The following KIAA1217 variants were observed in gnomAD, a reference collection of about 807,000 sequenced individuals.
The protein encoded by KIAA1217 is sickle tail protein homolog.
In KIAA1217, 88 loss-of-function variants were observed where a neutral mutation model predicts 163.9. The observed-to-expected ratio is 0.54, with a 90% CI of 0.45 to 0.64. The LOEUF is 0.64. Ranked by LOEUF, KIAA1217 falls within the 30% of genes least tolerant of loss-of-function variation. KIAA1217 has a pLI of 0.00. For synonymous variants in KIAA1217, 903 were observed against 923.1 expected, an observed-to-expected ratio of 0.98 and a Z score of 0.39; for missense variants, 2,372 against 2,475.0, an observed-to-expected ratio of 0.96 and a Z score of 0.88.
At chr10:23,817,314 A>G (rs949135482) in intron 1 of KIAA1217, among the ~76,000 whole-genome samples, 1 of 152,200 alleles carries the variant, frequency 6.6e-6, no homozygotes, top group East Asian at 1.9e-4. Flanking sequence ...TCCATCCAGA[A>G]GAATTGTCAA....
At chr10:24,002,567 C>G (rs1846794233) in intron 1 of KIAA1217, among the ~76,000 whole-genome samples, 1 of 152,188 alleles carries the variant, frequency 6.6e-6, no homozygotes, top group Non-Finnish European at 1.5e-5. Flanking sequence ...CACATTAAAC[C>G]AGCAATCACT....
chr10:23,706,699 T>A (rs1564353945), intron 1 of KIAA1217, among the ~76,000 whole-genome samples: 1 of 152,312 alleles, frequency 6.6e-6, no homozygotes, highest in Admixed American at 6.5e-5. Flanking sequence ...ATAAGAGATA[T>A]TGGTCTGTAA....
intron 2 of KIAA1217, among the ~76,000 whole-genome samples, chr10:24,191,333 A>T (rs2066709072): frequency 6.6e-6 from 1 of 152,230 alleles, no homozygotes; most frequent in Non-Finnish European, 1.5e-5. Flanking sequence ...ACAATAGGAA[A>T]GTTCTCCATT....
intron 2 of KIAA1217, among the ~76,000 whole-genome samples, chr10:24,087,910 GT>G (rs2061759931): frequency 2.7e-5 from 2 of 73,730 alleles, no homozygotes. Flanking sequence ...GATCAGAGCT[GT>G]GGTGGCCTCC....
chr10:24,431,708 C>T (rs2059618541), intron 3 of KIAA1217, among the ~76,000 whole-genome samples: 2 of 152,136 alleles, frequency 1.3e-5, no homozygotes, highest in East Asian at 1.9e-4. Flanking sequence ...TTTCCTTTTG[C>T]ATCACACTTG....
At chr10:23,984,801 A>G (rs1049483147) in intron 1 of KIAA1217, among the ~76,000 whole-genome samples, 3 of 151,958 alleles carry the variant, frequency 2.0e-5, no homozygotes, top group Non-Finnish European at 4.4e-5. Flanking sequence ...TAGGACAAGT[A>G]CCTAATGCAT....
At chr10:23,809,505 GA>G (rs1010823938) in intron 1 of KIAA1217, among the ~76,000 whole-genome samples, 1 of 151,202 alleles carries the variant, frequency 6.6e-6, no homozygotes, top group African/African-American at 2.4e-5. Context: ...GAGGTAAGAA[GA>G]AAAAAAGGAA....
intron 1 of KIAA1217, among the ~76,000 whole-genome samples, chr10:23,879,888 T>A (rs1840875947): frequency 6.6e-6 from 1 of 151,866 alleles, no homozygotes; most frequent in Admixed American, 6.6e-5. Flanking sequence ...AAGAAAGGGA[T>A]GTGTATGCAG....
intron 2 of KIAA1217, among the ~76,000 whole-genome samples, chr10:24,356,690 C>T (rs974441729): frequency 6.6e-6 from 1 of 152,214 alleles, no homozygotes; most frequent in Non-Finnish European, 1.5e-5. Flanking sequence ...GGGCCCCCTC[C>T]TCTGTCACTC....
intron 2 of KIAA1217, among the ~76,000 whole-genome samples, chr10:24,249,653 G>A (rs2074251705): frequency 6.6e-6 from 1 of 152,064 alleles, no homozygotes. Context: ...TTAAATCACT[G>A]CAAGTAAGCC....
At chr10:24,241,641 C>A (rs1442217853) in intron 2 of KIAA1217, among the ~76,000 whole-genome samples, 2 of 152,152 alleles carry the variant, frequency 1.3e-5, no homozygotes, top group African/African-American at 4.8e-5. Context: ...AATATACTGT[C>A]CTTTATTCCT....
Position 24,235,921 on chromosome 10 carries a change from T to C in KIAA1217, c.354+16012T>C, listed in dbSNP as rs76144858. 2.7e-3 allele frequency among the ~76,000 whole-genome samples: 411 copies of C among 152,314 alleles called. 5 individuals carry two copies. The East Asian group carries it at 0.052, about 19-fold the overall frequency. On this transcript the variant is annotated intron_variant, in intron 2 of 20. Transcript: ENST00000376454. ...CTCTTAGTATCCCAATTATGAGCAA[T>C]TTTATTAAACTAGGAGTATCAGTGC...
At chr10:24,140,104 A>G (rs1589644987) in intron 2 of KIAA1217, among the ~76,000 whole-genome samples, 1 of 152,088 alleles carries the variant, frequency 6.6e-6, no homozygotes, top group Non-Finnish European at 1.5e-5. Context: ...TCACACCTGT[A>G]ATCCCAGCAC....
At chr10:24,203,234 C>A (rs944630902) in intron 2 of KIAA1217, among the ~76,000 whole-genome samples, 11 of 151,356 alleles carry the variant, frequency 7.3e-5, no homozygotes, top group African/African-American at 2.7e-4. Flanking sequence ...CCCTTTTATT[C>A]TTCATTTCCA....
chr10:23,719,319 G>A (rs780773988), intron 1 of KIAA1217, among the ~76,000 whole-genome samples: 2 of 152,300 alleles, frequency 1.3e-5, no homozygotes, highest in East Asian at 1.9e-4. Flanking sequence ...CGTGGCTCAT[G>A]CCTGTAATCC....
intron 1 of KIAA1217, among the ~76,000 whole-genome samples, chr10:23,732,546 A>G (rs867065221): frequency 6.6e-6 from 1 of 152,126 alleles, no homozygotes; most frequent in South Asian, 2.1e-4. Flanking sequence ...CTTTTTTCTT[A>G]GTCTGCCTAC....
intron 2 of KIAA1217, among the ~76,000 whole-genome samples, chr10:24,081,007 A>G (rs1321819662): frequency 6.6e-6 from 1 of 152,170 alleles, no homozygotes; most frequent in African/African-American, 2.4e-5. Flanking sequence ...CATCTTACTG[A>G]GGGTTTTACA....
chr10:24,479,802 A>AG (rs1454220242), intron 6 of KIAA1217, among the ~76,000 whole-genome samples: 2 of 152,154 alleles, frequency 1.3e-5, no homozygotes, highest in African/African-American at 2.4e-5. Context: ...GAGAAATCTG[A>AG]GGGGGGTCTG....
At chr10:24,400,551 G>T (rs1238543854) in intron 3 of KIAA1217, among the ~76,000 whole-genome samples, 1 of 152,174 alleles carries the variant, frequency 6.6e-6, no homozygotes, top group Non-Finnish European at 1.5e-5. Flanking sequence ...AGAAGCCACA[G>T]ATCCATGCTT....
Sources: allele counts gnomAD v4.1 joint callset (sites outside exome capture counted in the v4.1 genomes callset), GRCh38; gene constraint gnomAD v4.1.1; transcripts MANE v1.5; gene names NCBI Gene and HGNC (gene_info 2026-07-23, HGNC 2026-07-21).